The following SLC45A1 variants were observed in gnomAD, a reference collection of about 807,000 sequenced individuals.
The protein encoded by SLC45A1 is solute carrier family 45 member 1.
A neutral mutation model predicts 57.6 loss-of-function variants in SLC45A1; 28 were observed. The ratio of observed to expected loss-of-function variants is 0.49; its 90% CI spans 0.36 to 0.67. The LOEUF is 0.67. Among genes scored for constraint, SLC45A1 ranks in the 30% least tolerant of loss-of-function variants. SLC45A1 has a pLI of 0.00. For synonymous variants in SLC45A1, 459 were observed against 471.5 expected, an observed-to-expected ratio of 0.97 and a Z score of 0.34; for missense variants, 814 against 1,041.5, an observed-to-expected ratio of 0.78 and a Z score of 3.01.
At chr1:8,334,727 C>T (rs773807228) in intron 5 of SLC45A1, among the ~76,000 whole-genome samples, 12 of 152,050 alleles carry the variant, frequency 7.9e-5, no homozygotes, top group South Asian at 2.1e-4. Flanking sequence ...ACAACAACAA[C>T]GAAATAACAA....
chr1:8,325,252 G>A lies in SLC45A1; in HGVS notation c.398-46G>A. 1 of 1,281,864 alleles carries A rather than the reference G, an allele frequency of 7.8e-7. No individual in the cohort carries two copies. Among genetic ancestry groups the A allele is most frequent in the Non-Finnish European group, 1.1e-6 (1 of 879,780 alleles). The allele number at this position is 1,281,864 out of a possible 1,614,324, so 79.4% of individuals were successfully genotyped here. On this transcript the variant is annotated intron_variant, in intron 2 of 8. Coordinates refer to ENST00000471889, the MANE Select transcript of SLC45A1 (RefSeq NM_001080397.3). The surrounding 1 kb of genome is among the most constrained non-coding windows in gnomAD (Gnocchi z 6.3). ...GTGGAGGCTGATTCGATGTCCCCAT[G>A]TGCCATGGGGACCCTGGCAATGACC...
In SLC45A1 at chr1:8,335,336, C is replaced by G; in HGVS notation, c.1444-101C>G. The G allele has an allele frequency of 8.5e-7, 1 of 1,173,160 alleles. No homozygotes were observed. Among genetic ancestry groups the G allele is most frequent in the East Asian group, 2.7e-5 (1 of 36,368 alleles). The allele number at this position is 1,173,160 out of a possible 1,614,324, so 72.7% of individuals were successfully genotyped here. A position where few individuals can be genotyped will look rare whatever the true frequency, so the allele number is the denominator to read the frequency against. On this transcript the variant is annotated intron_variant, in intron 5 of 8. Coordinates refer to ENST00000471889, the MANE Select transcript of SLC45A1 (RefSeq NM_001080397.3). The surrounding 1 kb of genome is among the most constrained non-coding windows in gnomAD (Gnocchi z 4.1). ...TAAGAAGACAGACCCTTGCAGCCTC[C>G]GTGCGGTGTTTCCGAGAGCGCATTC...
chr1:8,334,382 G>T (rs1640535767), intron 5 of SLC45A1, among the ~76,000 whole-genome samples: 1 of 152,184 alleles, frequency 6.6e-6, no homozygotes, highest in Admixed American at 6.5e-5. Flanking sequence ...ATCCAGGGCG[G>T]ACCGCACCAC....
chr1:8,326,179 G>C lies in SLC45A1; in HGVS notation c.715+137G>C. ...CCAATACATGGAGAAACACTGAAGT[G>C]ATTGAAAATACATATCTCACACAAC... On this transcript the variant is annotated intron_variant, in intron 4 of 8. Transcript: ENST00000471889. The surrounding 1 kb of genome is among the most constrained non-coding windows in gnomAD (Gnocchi z 5.5). The C allele has an allele frequency of 1.5e-6, 1 of 664,410 alleles. No homozygotes were observed. Among genetic ancestry groups the C allele is most frequent in the Non-Finnish European group, 2.6e-6 (1 of 390,254 alleles). 41.2% of individuals were successfully genotyped at this position (664,410 alleles called of 1,614,324 possible). A position where few individuals can be genotyped will look rare whatever the true frequency, so the allele number is the denominator to read the frequency against.
At chr1:8,333,031 C>T (rs532200412) in intron 5 of SLC45A1, among the ~76,000 whole-genome samples, 4 of 152,094 alleles carry the variant, frequency 2.6e-5, no homozygotes, top group Non-Finnish European at 4.4e-5. Context: ...ACACTTCACT[C>T]GGCCGCAGAC....
chr1:8,325,755 T>G lies in SLC45A1; in HGVS notation c.491-63T>G. The G allele has an allele frequency of 2.0e-5, 29 of 1,459,566 alleles. No individual in the cohort carries two copies. Among genetic ancestry groups the G allele is most frequent in the Non-Finnish European group, 2.6e-5 (27 of 1,056,378 alleles). The allele number at this position is 1,459,566 out of a possible 1,614,324, so 90.4% of individuals were successfully genotyped here. A position where few individuals can be genotyped will look rare whatever the true frequency, so the allele number is the denominator to read the frequency against. On this transcript the variant is annotated intron_variant, in intron 3 of 8. Coordinates refer to ENST00000471889, the MANE Select transcript of SLC45A1 (RefSeq NM_001080397.3). The surrounding 1 kb of genome is among the most constrained non-coding windows in gnomAD (Gnocchi z 6.3). ...TCCTAAAGATTCTAGACATAAGTCG[T>G]GAGCTGCCGGGGACAGAGCTGGTCT...
chr1:8,321,221 C>T (rs1041612311), intron 1 of SLC45A1, among the ~76,000 whole-genome samples: 3 of 152,140 alleles, frequency 2.0e-5, no homozygotes, highest in African/African-American at 7.2e-5. Flanking sequence ...TTGATTTACT[C>T]CTTATAAATG....
At chr1:8,336,116 G>C (rs1192076346) in intron 6 of SLC45A1, 1 of 152,578 alleles carries the variant, frequency 6.6e-6, no homozygotes, top group Non-Finnish European at 1.5e-5. Context: ...ATTTGAGCAT[G>C]ATTCAGAATT....
At chr1:8,319,407 T>C (rs942950231) in intron 1 of SLC45A1, among the ~76,000 whole-genome samples, 1 of 152,204 alleles carries the variant, frequency 6.6e-6, no homozygotes, top group Admixed American at 6.5e-5. Flanking sequence ...AGGATCATTG[T>C]AAGCATTCAA....
chr1:8,335,441 C>A lies in SLC45A1; in HGVS notation c.1448C>A (p.Ala483Asp). Residue 483 changes from alanine to aspartate, a missense_variant, in exon 6 of 9, where the codon GCC becomes GAC. Transcript: ENST00000471889. This position sits in a 1 kb window ranked among gnomAD's most constrained non-coding sequence, Gnocchi z 4.1. ...GGGTTTGTGGGCTCTTCCCAGGTGG[C>A]CAATATCCTGCTCAACGGCGTGAAG... Reference protein sequence around the residue: ...RRNVTFSQQVANILLNGVKYE... With the variant: ...RRNVTFSQQVDNILLNGVKYE... 6.3e-7 allele frequency: 1 copy of A among 1,589,302 alleles called. No homozygotes were observed.
At chr1:8,332,713 GTTGGCCAGGCTGGTC>G (rs1640453672) in intron 5 of SLC45A1, among the ~76,000 whole-genome samples, 1 of 152,076 alleles carries the variant, frequency 6.6e-6, no homozygotes, top group African/African-American at 2.4e-5. Flanking sequence ...GTTTCACCAT[GTTGGCCAGGCTGGTC>G]TCGAACTCCT....
At chr1:8,334,651 C>T (rs1640547653) in intron 5 of SLC45A1, among the ~76,000 whole-genome samples, 1 of 152,068 alleles carries the variant, frequency 6.6e-6, no homozygotes, top group African/African-American at 2.4e-5. Context: ...TGCAGTGAGC[C>T]ATGACCGCAC....
intron 1 of SLC45A1, 56 bp from the exon 2 acceptor site, chr1:8,324,250 G>C: frequency 3.4e-6 from 5 of 1,475,682 alleles, no homozygotes; most frequent in Non-Finnish European, 4.6e-6. Flanking sequence ...TCAAATGTTG[G>C]GGGAGGACTA....
At chr1:8,329,331 CCTCCT>C (rs1640299123) in intron 4 of SLC45A1, among the ~76,000 whole-genome samples, 1 of 152,222 alleles carries the variant, frequency 6.6e-6, no homozygotes, top group Non-Finnish European at 1.5e-5. Context: ...CCGAGAGAAC[CCTCCT>C]CTCCTCTCAA....
chr1:8,334,029 T>G (rs925387314), intron 5 of SLC45A1, among the ~76,000 whole-genome samples: 4 of 152,226 alleles, frequency 2.6e-5, no homozygotes, highest in Admixed American at 1.3e-4. Context: ...TCAGCCTCAT[T>G]GTGGATGATG....
intron 1 of SLC45A1, among the ~76,000 whole-genome samples, chr1:8,321,024 G>A (rs1639996602): frequency 1.3e-5 from 2 of 152,110 alleles, no homozygotes; most frequent in African/African-American, 4.8e-5. Flanking sequence ...GAAGGAGATG[G>A]TCTTACACAG....
chr1:8,334,093 C>G (rs1412077023), intron 5 of SLC45A1, among the ~76,000 whole-genome samples: 1 of 152,244 alleles, frequency 6.6e-6, no homozygotes, highest in Non-Finnish European at 1.5e-5. Flanking sequence ...GACTGTTTCA[C>G]AAAGTTCAAA....
At chr1:8,329,987 G>A (rs1249740458) in intron 4 of SLC45A1, among the ~76,000 whole-genome samples, 2 of 152,168 alleles carry the variant, frequency 1.3e-5, no homozygotes, top group African/African-American at 2.4e-5. Flanking sequence ...GGTCACACCA[G>A]GAAGGGCCCT....
intron 2 of SLC45A1, 84 bp downstream of exon 2, chr1:8,324,810 G>T: frequency 7.7e-7 from 1 of 1,300,268 alleles, no homozygotes; most frequent in Non-Finnish European, 1.0e-6. Flanking sequence ...GTCCTGAGGG[G>T]AGAAGGGAGG....
Sources: allele counts gnomAD v4.1 joint callset (sites outside exome capture counted in the v4.1 genomes callset), GRCh38; gene constraint gnomAD v4.1.1; non-coding constraint Gnocchi (gnomAD v3.1); transcripts MANE v1.5; gene names NCBI Gene and HGNC (gene_info 2026-07-23, HGNC 2026-07-21).